Variants in STIMATE observed in about 807,000 individuals in gnomAD.
STIMATE encodes store-operated calcium entry regulator STIMATE.
A neutral mutation model predicts 36.7 loss-of-function variants in STIMATE; 15 were observed. The observed-to-expected ratio is 0.41, with a 90% CI of 0.27 to 0.63. STIMATE has a LOEUF of 0.63. Among genes scored for constraint, STIMATE ranks in the 20% least tolerant of loss-of-function variants. The pLI, the probability that STIMATE is intolerant of heterozygous loss-of-function variation, is 0.32. For missense variants in STIMATE, 305 were observed against 397.3 expected (o/e 0.77, Z 1.98); for synonymous variants, 163 against 162.3 (o/e 1.00, Z -0.03).
rs1001241159 is a variant in STIMATE at position 52,840,249 on chromosome 3, T to C, written c.*245A>G. 21 of 359,226 alleles carry C rather than the reference T, an allele frequency of 5.8e-5. No homozygotes were observed. The highest frequency in any genetic ancestry group is 3.3e-4 in the African/African-American group (16 of 47,878). 22.3% of individuals were successfully genotyped at this position (359,226 alleles called of 1,614,324 possible). ...CAAACACAGCTCCTTCCTTGCATAT[T>C]TGGTCAGTGTTTGTAGTGCAACTGA... On this transcript the variant is annotated 3_prime_UTR_variant, in exon 8 of 8. Coordinates refer to ENST00000355083, the MANE Select transcript of STIMATE (RefSeq NM_198563.5).
At position 52,888,128 on chromosome 3, in the gene STIMATE, G is replaced by A. The variant is rs538040087; in HGVS notation, c.160+9163C>T. Among the ~76,000 whole-genome samples, 157 of 147,582 alleles carry A rather than the reference G, an allele frequency of 1.1e-3. 5 individuals are homozygous for A. The South Asian group carries it at 0.029, about 27-fold the overall frequency. ...CTCCCTACACTATGTCTTTAGGACCGTAACACATGTCCCTCATCTCCAGCC... is the reference window on the plus strand; with the variant it reads ...CTCCCTACACTATGTCTTTAGGACCATAACACATGTCCCTCATCTCCAGCC... On this transcript the variant is annotated intron_variant, in intron 1 of 7. Coordinates refer to ENST00000355083, the MANE Select transcript of STIMATE (RefSeq NM_198563.5).
intron 1 of STIMATE, among the ~76,000 whole-genome samples, chr3:52,888,127 C>G (rs895057308): frequency 6.7e-6 from 1 of 148,990 alleles, no homozygotes; most frequent in Non-Finnish European, 1.5e-5. Context: ...TCTTTAGGAC[C>G]GTAACACATG....
At chr3:52,850,387 G>A (rs1700977014) in intron 3 of STIMATE, among the ~76,000 whole-genome samples, 1 of 151,790 alleles carries the variant, frequency 6.6e-6, no homozygotes, top group South Asian at 2.1e-4. Context: ...AGCTGAGATT[G>A]CACCACTGCA....
At chr3:52,889,118 G>A (rs915033303) in intron 1 of STIMATE, among the ~76,000 whole-genome samples, 3 of 152,222 alleles carry the variant, frequency 2.0e-5, no homozygotes, top group African/African-American at 7.2e-5. Context: ...GGCATGTGAT[G>A]CTCAGATGGG....
At chr3:52,883,838 A>G (rs77850816) in intron 1 of STIMATE, among the ~76,000 whole-genome samples, 2,246 of 151,620 alleles carry the variant, frequency 0.015, 61 homozygotes, top group African/African-American at 0.052. Flanking sequence ...CATATTTATA[A>G]CTGTTTTTCA....
At chr3:52,843,169 G>T in intron 6 of STIMATE, 1 of 982,510 alleles carries the variant, frequency 1.0e-6, no homozygotes, top group Non-Finnish European at 1.4e-6. Context: ...ATCAGAGTGT[G>T]CAAGGAACGT....
At position 52,842,795 on chromosome 3, in the gene STIMATE, G is replaced by A. The variant is rs771304842; in HGVS notation, c.768+16C>T. ...ATACGACGGCTTGGGCCCTTGGAGA[G>A]TCAGGGAGGCCCTACCTCAGACTCA... On this transcript the variant is annotated intron_variant, in intron 7 of 7. Coordinates refer to ENST00000355083, the MANE Select transcript of STIMATE (RefSeq NM_198563.5). 2 of 1,613,988 alleles carry A rather than the reference G, an allele frequency of 1.2e-6. No individual in the cohort carries two copies. The highest frequency in any genetic ancestry group is 1.7e-6 in the Non-Finnish European group (2 of 1,180,000).
intron 4 of STIMATE, among the ~76,000 whole-genome samples, chr3:52,847,810 T>G (rs1209114675): frequency 6.6e-6 from 1 of 152,086 alleles, no homozygotes. Context: ...GTGTTCTGAG[T>G]GTCCAGGTGG....
chr3:52,852,847 G>A lies in STIMATE; in HGVS notation c.210-149C>T, dbSNP rs537918491. ...CCTGGGGCCTTGAGCACTAACTCAG[G>A]CTTGGCATCTCAGCCACCTTTCAAA... On this transcript the variant is annotated intron_variant, in intron 2 of 7. Transcript: ENST00000355083. The A allele has an allele frequency of 3.4e-4, 305 of 900,386 alleles. 3 individuals are homozygous for A. The South Asian group carries it at 5.2e-3, about 15-fold the overall frequency. The allele number at this position is 900,386 out of a possible 1,614,324, so 55.8% of individuals were successfully genotyped here.
At chr3:52,847,558 A>C (rs1255445856) in intron 4 of STIMATE, 6 of 1,289,508 alleles carry the variant, frequency 4.7e-6, no homozygotes, top group Non-Finnish European at 6.1e-6. Context: ...TCTTCTAGGA[A>C]CAAAAGACAC....
chr3:52,866,647 C>T (rs57317288), intron 1 of STIMATE, among the ~76,000 whole-genome samples: 7 of 152,336 alleles, frequency 4.6e-5, no homozygotes, highest in African/African-American at 7.2e-5. Context: ...GTTTTCCACA[C>T]GCCACTCTCA....
At chr3:52,882,365 C>T (rs1701620153) in intron 1 of STIMATE, among the ~76,000 whole-genome samples, 1 of 152,170 alleles carries the variant, frequency 6.6e-6, no homozygotes, top group Admixed American at 6.5e-5. Context: ...GTAAACTAAC[C>T]TTGAGGAAAG....
rs1486783249 is a variant in STIMATE at position 52,839,603 on chromosome 3, T to C, written c.*891A>G. 6.6e-6 allele frequency: 1 copy of C among 152,236 alleles called. No individual in the cohort carries two copies. The highest frequency in any genetic ancestry group is 6.5e-5 in the Admixed American group (1 of 15,286). The allele number at this position is 152,236 out of a possible 1,614,324, so 9.4% of individuals were successfully genotyped here. Reference sequence around the variant, plus strand: ...TTCCACACTCTGCAGCTCCTGGATCTGCATCCAGACCAGCTGCTCCAAGCT... The same window carrying C: ...TTCCACACTCTGCAGCTCCTGGATCCGCATCCAGACCAGCTGCTCCAAGCT... On this transcript the variant is annotated 3_prime_UTR_variant, in exon 8 of 8. Transcript: ENST00000355083.
At chr3:52,897,063 G>A (rs368476636) in intron 1 of STIMATE, among the ~76,000 whole-genome samples, 7 of 152,188 alleles carry the variant, frequency 4.6e-5, no homozygotes, top group African/African-American at 1.7e-4. Context: ...CGTCTCAAAA[G>A]ACAGACGTTT....
At chr3:52,844,806 G>A in intron 5 of STIMATE, 23 bp downstream of exon 5, 2 of 1,612,250 alleles carry the variant, frequency 1.2e-6, no homozygotes, top group Non-Finnish European at 1.7e-6. Context: ...GCAAGGAGCT[G>A]CTCATGCAGG....
At chr3:52,850,713 A>AT (rs1700983627) in intron 3 of STIMATE, among the ~76,000 whole-genome samples, 1 of 150,728 alleles carries the variant, frequency 6.6e-6, no homozygotes, top group Non-Finnish European at 1.5e-5. Context: ...GCAGTCAAGC[A>AT]TAAGTAATAT....
intron 5 of STIMATE, 61 bp downstream of exon 5, chr3:52,844,768 G>A (rs1457058516): frequency 1.9e-6 from 3 of 1,583,692 alleles, no homozygotes; most frequent in Non-Finnish European, 1.7e-6. Flanking sequence ...TGTGGGTGAT[G>A]GGGAGGAAGT....
intron 1 of STIMATE, among the ~76,000 whole-genome samples, chr3:52,889,360 T>C (rs1701744212): frequency 6.6e-6 from 1 of 152,218 alleles, no homozygotes; most frequent in Non-Finnish European, 1.5e-5. Flanking sequence ...CCTCGAGAGC[T>C]GCATACAATC....
chr3:52,854,803 G>A (rs945904087), intron 2 of STIMATE, among the ~76,000 whole-genome samples: 1 of 152,188 alleles, frequency 6.6e-6, no homozygotes. Flanking sequence ...TGTGGATTCT[G>A]TTCTAACTCC....
Sources: gnomAD v4.1 joint callset for allele counts (sites outside exome capture counted in the v4.1 genomes callset) on GRCh38, gnomAD v4.1.1 for gene constraint, MANE v1.5 for transcripts, NCBI Gene and HGNC (gene_info 2026-07-23, HGNC 2026-07-21) for gene names.